The following RNLS variants were observed in gnomAD, a reference collection of about 807,000 sequenced individuals.
RNLS encodes the protein renalase.
In RNLS, 39 loss-of-function variants were observed where a neutral mutation model predicts 39.8. The ratio of observed to expected loss-of-function variants is 0.98; its 90% CI spans 0.76 to 1.28. The LOEUF is 1.28. RNLS is among the 50% of genes most tolerant of loss of function. RNLS has a pLI of 0.00. For synonymous variants in RNLS, 147 were observed against 150.7 expected, an observed-to-expected ratio of 0.98 and a Z score of 0.18; for missense variants, 410 against 413.3, an observed-to-expected ratio of 0.99 and a Z score of 0.07.
intron 4 of RNLS, among the ~76,000 whole-genome samples, chr10:88,442,366 G>T (rs1433314055): frequency 6.6e-6 from 1 of 152,138 alleles, no homozygotes; most frequent in South Asian, 2.1e-4. Context: ...TCACATGATT[G>T]GTCATTCAGC....
intron 6 of RNLS, among the ~76,000 whole-genome samples, chr10:88,276,669 G>A (rs759790778): frequency 4.0e-5 from 6 of 151,828 alleles, no homozygotes; most frequent in Non-Finnish European, 5.9e-5. Context: ...TAATTTTATC[G>A]TATGTCATAA....
chr10:88,179,073 C>T, the RNLS span, among the ~76,000 whole-genome samples: 1 of 152,138 alleles, frequency 6.6e-6, no homozygotes, highest in Non-Finnish European at 1.5e-5. Context: ...AAGAAAAGGA[C>T]ATACATCTCT....
the RNLS span, among the ~76,000 whole-genome samples, chr10:88,225,016 T>C: frequency 2.4e-4 from 36 of 152,366 alleles, no homozygotes; most frequent in South Asian, 5.8e-3. Flanking sequence ...TAAATTGCTA[T>C]TGATTTGCTT....
the RNLS span, among the ~76,000 whole-genome samples, chr10:88,244,052 G>C: frequency 6.6e-6 from 1 of 152,202 alleles, no homozygotes; most frequent in Non-Finnish European, 1.5e-5. Flanking sequence ...AAATGGAAAG[G>C]CTGGTTTCCT....
chr10:88,295,914 A>G (rs371290810), intron 6 of RNLS, among the ~76,000 whole-genome samples: 3 of 152,308 alleles, frequency 2.0e-5, no homozygotes. Flanking sequence ...ACTTGTTCAG[A>G]AGAAGCACAC....
In RNLS at chr10:88,581,662, G is replaced by T; in HGVS notation, c.272C>A (p.Ser91Ter). Residue 91 changes from serine to a stop codon, truncating the protein, a stop_gained, in exon 3 of 7, where the codon TCG (serine) becomes TAG (stop). Transcript: ENST00000331772. LOFTEE classifies it high-confidence loss of function. The stretch of plus-strand genomic sequence containing the variant: ...TTTCATCACCATTCCTTCAATAGGC[G>T]AGCTTAGAGGCCTCAAAACGCCATA... ...LAYGVLRPLS[S>*]PIEGMVMKEG... 7 of 1,598,694 alleles carry T rather than the reference G, an allele frequency of 4.4e-6. No individual in the cohort carries two copies. Among genetic ancestry groups the T allele is most frequent in the Non-Finnish European group, 6.0e-6 (7 of 1,172,882 alleles).
chr10:88,252,762 T>TC, the RNLS span, among the ~76,000 whole-genome samples: 1 of 152,188 alleles, frequency 6.6e-6, no homozygotes, highest in Admixed American at 6.5e-5. Context: ...TATACACAGC[T>TC]CCTATCACAC....
At chr10:88,455,657 C>T (rs144783653) in intron 4 of RNLS, among the ~76,000 whole-genome samples, 2 of 152,208 alleles carry the variant, frequency 1.3e-5, no homozygotes, top group African/African-American at 2.4e-5. Context: ...CCGCCTGCCT[C>T]GACCTCCGAA....
chr10:88,581,182 T>C (rs898670716), intron 3 of RNLS, among the ~76,000 whole-genome samples: 1 of 151,646 alleles, frequency 6.6e-6, no homozygotes, highest in Non-Finnish European at 1.5e-5. Context: ...GATATGAAAA[T>C]AGATCCAAGA....
intron 4 of RNLS, among the ~76,000 whole-genome samples, chr10:88,412,509 C>A (rs1318210626): frequency 6.6e-6 from 1 of 151,754 alleles, no homozygotes; most frequent in African/African-American, 2.4e-5. Flanking sequence ...GAGATGAAAA[C>A]CAGGGAAGGT....
At chr10:88,449,825 AT>A (rs1458139565) in intron 4 of RNLS, among the ~76,000 whole-genome samples, 2 of 152,182 alleles carry the variant, frequency 1.3e-5, no homozygotes, top group African/African-American at 2.4e-5. Context: ...CCTTTTATTA[AT>A]TTTTTAAGTA....
At chr10:88,524,960 C>CATATATATATATATATAT (rs772272529) in intron 4 of RNLS, among the ~76,000 whole-genome samples, 3 of 88,966 alleles carry the variant, frequency 3.4e-5, no homozygotes, top group Non-Finnish European at 6.5e-5. Context: ...CACACACATA[C>CATATATATATATATATAT]ATATATATAT....
chr10:88,241,355 T>C, the RNLS span, among the ~76,000 whole-genome samples: 1 of 152,186 alleles, frequency 6.6e-6, no homozygotes, highest in Non-Finnish European at 1.5e-5. Flanking sequence ...TTATTTAATG[T>C]CAATTTCTTC....
intron 4 of RNLS, among the ~76,000 whole-genome samples, chr10:88,414,010 T>C (rs1853860075): frequency 6.6e-6 from 1 of 152,198 alleles, no homozygotes; most frequent in Non-Finnish European, 1.5e-5. Flanking sequence ...TCTGAAGGTA[T>C]TAATATAAAT....
intron 6 of RNLS, among the ~76,000 whole-genome samples, chr10:88,300,056 T>C (rs1844400313): frequency 1.3e-5 from 2 of 152,212 alleles, no homozygotes. Context: ...ATTACTGCAG[T>C]GAAGTGAGGT....
chr10:88,388,582 A>G (rs1440047166), intron 4 of RNLS, among the ~76,000 whole-genome samples: 1 of 152,136 alleles, frequency 6.6e-6, no homozygotes, highest in Non-Finnish European at 1.5e-5. Flanking sequence ...CCCTGTCTCC[A>G]TGTTATCACA....
intron 5 of RNLS, among the ~76,000 whole-genome samples, chr10:88,357,205 AT>A (rs1339159131): frequency 6.6e-6 from 1 of 152,196 alleles, no homozygotes; most frequent in Non-Finnish European, 1.5e-5. Flanking sequence ...ACCCTTTGGT[AT>A]TGGTATGGTA....
chr10:88,411,061 G>C (rs1853626674), intron 4 of RNLS, among the ~76,000 whole-genome samples: 1 of 152,104 alleles, frequency 6.6e-6, no homozygotes, highest in South Asian at 2.1e-4. Context: ...GATTCCACAA[G>C]ACAAGTCTAT....
chr10:88,247,393 T>C, the RNLS span, among the ~76,000 whole-genome samples: 1 of 152,168 alleles, frequency 6.6e-6, no homozygotes, highest in East Asian at 1.9e-4. Flanking sequence ...ACAACATATA[T>C]AAAGGCCTTA....
Sources: allele counts gnomAD v4.1 joint callset (sites outside exome capture counted in the v4.1 genomes callset), GRCh38; gene constraint gnomAD v4.1.1; transcripts MANE v1.5; gene names NCBI Gene and HGNC (gene_info 2026-07-23, HGNC 2026-07-21).